Variants in USP31 observed in about 807,000 individuals in gnomAD.
USP31 encodes the protein ubiquitin specific peptidase 31.
A neutral mutation model predicts 119.4 loss-of-function variants in USP31; 44 were observed. The observed-to-expected ratio is 0.37, with a 90% CI of 0.29 to 0.47. The LOEUF is 0.47. Ranked by LOEUF, USP31 falls within the 20% of genes least tolerant of loss-of-function variation. The pLI, the probability that USP31 is intolerant of heterozygous loss-of-function variation, is 0.99. For synonymous variants in USP31, 749 were observed against 705.6 expected (o/e 1.06, Z -0.97); for missense variants, 1,643 against 1,730.2 (o/e 0.95, Z 0.89).
At chr16:23,136,117 C>T (rs1903181944) in intron 1 of USP31, among the ~76,000 whole-genome samples, 1 of 152,098 alleles carries the variant, frequency 6.6e-6, no homozygotes, top group African/African-American at 2.4e-5. Context: ...ATTTTGTCAA[C>T]CAGGGTATAG....
Position 23,069,410 on chromosome 16 carries a change from T to A in USP31, c.2695A>T (p.Ile899Phe). The A allele has an allele frequency of 6.2e-7, 1 of 1,613,290 alleles. No individual in the cohort carries two copies. Among genetic ancestry groups the A allele is most frequent in the Non-Finnish European group, 8.5e-7 (1 of 1,179,346 alleles). The stretch of plus-strand genomic sequence containing the variant: ...ACCTTGTCATCTGCTGCCTCCCCAA[T>A]CTTCTCCAAGGTGGAAGCAGAGCTG... ...IHSSASTLEKIGEAADDKVSI... is the reference protein window; with the variant it reads ...IHSSASTLEKFGEAADDKVSI... Residue 899 changes from isoleucine (I) to phenylalanine (F), a missense_variant, in exon 16 of 16, where the codon ATT becomes TTT. Transcript: ENST00000219689.
At chr16:23,124,825 G>T (rs1202129435) in intron 1 of USP31, among the ~76,000 whole-genome samples, 3 of 152,124 alleles carry the variant, frequency 2.0e-5, no homozygotes, top group Non-Finnish European at 2.9e-5. Context: ...GGAGGTGGAG[G>T]TTGCAATGAG....
chr16:23,068,358 C>A lies in USP31; in HGVS notation c.3747G>T (p.Leu1249Phe). The stretch of plus-strand genomic sequence containing the variant: ...AGCTCCCACCAGCCTTTTTAGAGAG[C>A]AAGGCTGTCTTGCCAAGATCCGTCG... The part of the protein sequence containing the change: ...RRSTDLGKTA[L>F]LSKKAGGSSV... The change falls in exon 16 of 16, where the codon TTG becomes TTT. Residue 1249 changes from leucine to phenylalanine, a missense_variant. Physicochemically the swap from Leu to Phe is conservative, Grantham distance 22 (BLOSUM62 0). Coordinates refer to ENST00000219689, the MANE Select transcript of USP31 (RefSeq NM_020718.4). 6.2e-7 allele frequency: 1 copy of A among 1,614,218 alleles called. No homozygotes were observed. Among genetic ancestry groups the A allele is most frequent in the South Asian group, 1.1e-5 (1 of 91,088 alleles).
At chr16:23,128,534 G>GA (rs529913760) in intron 1 of USP31, among the ~76,000 whole-genome samples, 41 of 152,246 alleles carry the variant, frequency 2.7e-4, no homozygotes, top group South Asian at 1.0e-3. Context: ...AAAGGAGGGG[G>GA]AAAAATCAAG....
intron 13 of USP31, 162 bp from the exon 14 acceptor site, chr16:23,074,042 T>G (rs913824851): frequency 4.4e-6 from 4 of 908,592 alleles, no homozygotes; most frequent in Admixed American, 2.3e-5. Context: ...AAATTCTGTA[T>G]CACACTCGAG....
chr16:23,137,126 T>A (rs1321901057), intron 1 of USP31, among the ~76,000 whole-genome samples: 2 of 152,042 alleles, frequency 1.3e-5, no homozygotes, highest in Non-Finnish European at 2.9e-5. Context: ...AGCAAGAGGA[T>A]CCCTTGATCC....
At chr16:23,090,036 T>C (rs1901282704) in intron 7 of USP31, among the ~76,000 whole-genome samples, 1 of 152,196 alleles carries the variant, frequency 6.6e-6, no homozygotes, top group Non-Finnish European at 1.5e-5. Context: ...GAAATGGGTC[T>C]AGAGCCCCAA....
chr16:23,086,224 T>TCTA, intron 9 of USP31, among the ~76,000 whole-genome samples: 1 of 152,170 alleles, frequency 6.6e-6, no homozygotes. Flanking sequence ...TGGATTGTTG[T>TCTA]CTACTAACTC....
chr16:23,061,693 CT>C lies in USP31; in HGVS notation c.*6352del, dbSNP rs1386868386. On this transcript the variant is annotated 3_prime_UTR_variant, in exon 16 of 16. Coordinates refer to ENST00000219689, the MANE Select transcript of USP31 (RefSeq NM_020718.4). ...GAAAGACATCCTGCCTTCCATATTA[CT>C]GTACAACTGAAAATGAAAACGACAC... 6.6e-6 allele frequency: 1 copy of C among 152,536 alleles called. No individual in the cohort carries two copies. The highest frequency in any genetic ancestry group is 2.4e-5 in the African/African-American group (1 of 41,444). 9.4% of individuals were successfully genotyped at this position (152,536 alleles called of 1,614,324 possible).
In USP31 at chr16:23,067,941, G is replaced by A; in HGVS notation, c.*105C>T. On this transcript the variant is annotated 3_prime_UTR_variant, in exon 16 of 16. Coordinates refer to ENST00000219689, the MANE Select transcript of USP31 (RefSeq NM_020718.4). Reference sequence around the variant, plus strand: ...CACACACACACACAGTCGGGCACGTGACTCAAAAAAGTACAAAACAAAAGC... The same window carrying A: ...CACACACACACACAGTCGGGCACGTAACTCAAAAAAGTACAAAACAAAAGC... 7.0e-7 allele frequency: 1 copy of A among 1,422,366 alleles called. No individual in the cohort carries two copies. Among genetic ancestry groups the A allele is most frequent in the Non-Finnish European group, 9.4e-7 (1 of 1,062,314 alleles). The allele number at this position is 1,422,366 out of a possible 1,614,324, so 88.1% of individuals were successfully genotyped here. A position where few individuals can be genotyped will look rare whatever the true frequency, so the allele number is the denominator to read the frequency against.
In USP31 at chr16:23,068,885, G is replaced by A. The variant is rs769562072; in HGVS notation, c.3220C>T (p.Arg1074Cys). ...CTGGAAGAAGAATCTGCTTTGCTGCGGGAGCGGGAGGGCTTTAGAGAGACT... is the reference window on the plus strand; with the variant it reads ...CTGGAAGAAGAATCTGCTTTGCTGCAGGAGCGGGAGGGCTTTAGAGAGACT... ...VKVSLKPSRS[R>C]SKADSSSRGS... is the part of the protein sequence containing the mutation. The change falls in exon 16 of 16, where the codon CGC (arginine) becomes TGC (cysteine). Residue 1074 changes from arginine to cysteine, a missense_variant. Around this residue, in one of 5 missense-constraint regions of USP31, gnomAD observed 699 missense variants for 650.9 expected, o/e 1.07. Coordinates refer to ENST00000219689, the MANE Select transcript of USP31 (RefSeq NM_020718.4). The A allele has an allele frequency of 4.0e-5, 64 of 1,598,638 alleles. No individual in the cohort carries two copies. Among genetic ancestry groups the A allele is most frequent in the Non-Finnish European group, 5.1e-5 (60 of 1,172,826 alleles).
At chr16:23,121,592 C>T (rs1372922311) in intron 1 of USP31, among the ~76,000 whole-genome samples, 4 of 152,246 alleles carry the variant, frequency 2.6e-5, no homozygotes, top group Admixed American at 6.5e-5. Flanking sequence ...AATCAAAATA[C>T]GGCAATTCCC....
rs1343251858 is a variant in USP31 at position 23,065,756 on chromosome 16, AT to A, written c.*2289del. ...AAATCCATTCCTAGATAACTCAAGA[AT>A]AAAAATATTTACCACTGTGAAAATT... On this transcript the variant is annotated 3_prime_UTR_variant, in exon 16 of 16. Coordinates refer to ENST00000219689, the MANE Select transcript of USP31 (RefSeq NM_020718.4). The A allele has an allele frequency of 6.6e-6, 1 of 152,212 alleles. No homozygotes were observed. Among genetic ancestry groups the A allele is most frequent in the Non-Finnish European group, 1.5e-5 (1 of 68,036 alleles). The allele number at this position is 152,212 out of a possible 1,614,324, so 9.4% of individuals were successfully genotyped here.
rs141839477 is a variant in USP31, at chr16:23,083,031, A to G, written c.1831-474T>C. ...TTTTTGGTAGAGACGGGGTTTTGCC[A>G]TGCTGCCCAGGTGCTCTTGAACTCG... is the stretch of plus-strand genomic sequence containing the variant. On this transcript the variant is annotated intron_variant, in intron 11 of 15. Transcript: ENST00000219689. 3.9e-5 allele frequency among the ~76,000 whole-genome samples: 6 copies of G among 152,024 alleles called. No homozygotes were observed. The East Asian group carries it at 1.2e-3, about 29-fold the overall frequency.
rs376541713 is a variant in USP31 at position 23,073,747 on chromosome 16, T to C, written c.2310A>G (p.Ser770=). 331 of 1,612,890 alleles carry C rather than the reference T, an allele frequency of 2.1e-4. No individual in the cohort carries two copies. The highest frequency in any genetic ancestry group is 2.5e-4 in the Non-Finnish European group (294 of 1,179,886). Residue 770 remains serine (S), a synonymous_variant, in exon 14 of 16, where the codon TCA becomes TCG. Coordinates refer to ENST00000219689, the MANE Select transcript of USP31 (RefSeq NM_020718.4). ...CTGCCACCGAGCTGTTGGCTGACCA[T>C]GACGGGATGGCTGTCCGCCTCTGGT... ...LFYQRRTAIP[S]WSANSSVAGS... is the part of the protein sequence containing the mutation.
intron 1 of USP31, among the ~76,000 whole-genome samples, chr16:23,132,438 T>C (rs1292224319): frequency 1.3e-5 from 2 of 151,962 alleles, no homozygotes; most frequent in Admixed American, 1.3e-4. Flanking sequence ...CCTTATTTAG[T>C]AGCCCCTCAT....
At chr16:23,074,109 T>C (rs1900462014) in intron 13 of USP31, 4 of 541,510 alleles carry the variant, frequency 7.4e-6, no homozygotes, top group Admixed American at 3.0e-5. Context: ...CAGTTCATCT[T>C]AGAAAACACA....
rs1899836220 is a variant in USP31 at position 23,061,664 on chromosome 16, C to G, written c.*6382G>C. ...GTACGATACACTTTTCTTCCAGCCT[C>G]TAGGAAAGACATCCTGCCTTCCATA... On this transcript the variant is annotated 3_prime_UTR_variant, in exon 16 of 16. Transcript: ENST00000219689. The G allele has an allele frequency of 2.0e-5, 3 of 152,730 alleles. No homozygotes were observed. The highest frequency in any genetic ancestry group is 4.1e-4 in the South Asian group (2 of 4,826). 9.5% of individuals were successfully genotyped at this position (152,730 alleles called of 1,614,324 possible).
intron 11 of USP31, among the ~76,000 whole-genome samples, chr16:23,083,515 T>C (rs1159141556): frequency 1.3e-5 from 2 of 150,986 alleles, no homozygotes; most frequent in African/African-American, 4.9e-5. Flanking sequence ...GTGAGATGTG[T>C]TGTGGAATAC....
Sources: allele counts gnomAD v4.1 joint callset (sites outside exome capture counted in the v4.1 genomes callset), GRCh38; gene constraint gnomAD v4.1.1; regional missense constraint gnomAD v4.1.1; transcripts MANE v1.5; gene names NCBI Gene and HGNC (gene_info 2026-07-23, HGNC 2026-07-21).